Variants in BNIP2 observed in about 807,000 individuals in gnomAD.
The protein encoded by BNIP2 is BCL2 interacting protein 2, also known as BCL2/adenovirus E1B 19 kDa protein-interacting protein 2.
BNIP2 carries 36 observed loss-of-function variants against 43.4 expected under a neutral mutation model. That is an observed-to-expected ratio of 0.83 (90% CI 0.64 to 1.10). BNIP2 has a LOEUF of 1.10. Ranked by LOEUF, BNIP2 falls within the 50% of genes least tolerant of loss-of-function variation. The pLI, the probability that BNIP2 is intolerant of heterozygous loss-of-function variation, is 0.00. For synonymous variants in BNIP2, 146 were observed against 121.0 expected (o/e 1.21, Z -1.35); for missense variants, 417 against 374.1 (o/e 1.11, Z -0.95).
Position 59,662,077 on chromosome 15 carries a change from CA to C in BNIP2, c.*1991del, listed in dbSNP as rs1892307808. ...TATCTACAGTTAGGAGCAATGACTG[CA>C]AAATCAAAAATCAAAATAATGCAAA... is the stretch of plus-strand genomic sequence containing the variant. On this transcript the variant is annotated 3_prime_UTR_variant, in exon 10 of 10. Coordinates refer to ENST00000607373, the MANE Select transcript of BNIP2 (RefSeq NM_004330.4). The C allele has an allele frequency of 6.6e-6, 1 of 152,060 alleles. No individual in the cohort carries two copies. The highest frequency in any genetic ancestry group is 2.1e-4 in the South Asian group (1 of 4,828). The allele number at this position is 152,060 out of a possible 1,614,324, so 9.4% of individuals were successfully genotyped here.
intron 1 of BNIP2, among the ~76,000 whole-genome samples, chr15:59,683,403 G>A (rs1330968672): frequency 6.6e-6 from 1 of 152,196 alleles, no homozygotes; most frequent in Non-Finnish European, 1.5e-5. Context: ...CAAGTCAATA[G>A]ATGTCTAAAG....
chr15:59,671,257 T>TA lies in BNIP2; in HGVS notation c.632dup (p.Leu211PhefsTer24). ...TTTTTCTTCGAGTTGTTGCACCATT[T>TA]AAATAAACTATCATGTAGTTTTCTG... On this transcript the variant is annotated frameshift_variant, in exon 7 of 10. Transcript: ENST00000607373. LOFTEE classifies it high-confidence loss of function. 1 of 1,598,998 alleles carries TA rather than the reference T, an allele frequency of 6.3e-7. No individual in the cohort carries two copies.
Position 59,663,811 on chromosome 15 carries a change from G to T in BNIP2, c.*258C>A. 1 of 304,472 alleles carries T rather than the reference G, an allele frequency of 3.3e-6. No individual in the cohort carries two copies. The highest frequency in any genetic ancestry group is 6.0e-6 in the Non-Finnish European group (1 of 167,930). 18.9% of individuals were successfully genotyped at this position (304,472 alleles called of 1,614,324 possible). A position where few individuals can be genotyped will look rare whatever the true frequency, so the allele number is the denominator to read the frequency against. On this transcript the variant is annotated 3_prime_UTR_variant, in exon 10 of 10. Transcript: ENST00000607373. ...AAATGCAAAAACTACTTTATATAAAGTGTGGTTCTCTATTTAGCAATATAA... is the reference window on the plus strand; with the variant it reads ...AAATGCAAAAACTACTTTATATAAATTGTGGTTCTCTATTTAGCAATATAA...
chr15:59,674,589 T>C lies in BNIP2; in HGVS notation c.473-1850A>G, dbSNP rs551150424. Among the ~76,000 whole-genome samples, 65 of 152,298 alleles carry C rather than the reference T, an allele frequency of 4.3e-4. 2 individuals carry two copies. In the Middle Eastern group the frequency reaches 0.01, roughly 24 times the overall value. On this transcript the variant is annotated intron_variant, in intron 5 of 9. Coordinates refer to ENST00000607373, the MANE Select transcript of BNIP2 (RefSeq NM_004330.4). Reference sequence around the variant, plus strand: ...TTCATGTGATTTGCTTTCAGATGAATGAAGACTGTAGAAATAAGCAGGGGA... The same window carrying C: ...TTCATGTGATTTGCTTTCAGATGAACGAAGACTGTAGAAATAAGCAGGGGA...
At chr15:59,675,476 G>A (rs1190694637) in intron 5 of BNIP2, among the ~76,000 whole-genome samples, 1 of 151,910 alleles carries the variant, frequency 6.6e-6, no homozygotes, top group African/African-American at 2.4e-5. Flanking sequence ...TGGGCATGGT[G>A]GCGTGCACCT....
rs1466250010 is a variant in BNIP2, at chr15:59,662,598, G to C, written c.*1471C>G. The C allele has an allele frequency of 1.3e-5, 2 of 152,228 alleles. No homozygotes were observed. The highest frequency in any genetic ancestry group is 2.4e-5 in the African/African-American group (1 of 41,462). 9.4% of individuals were successfully genotyped at this position (152,228 alleles called of 1,614,324 possible). Reference sequence around the variant, plus strand: ...CCCTTTTGTAACAGAAGGTTTGTAAGTACATGAGAATGGTCACAGCCACAT... The same window carrying C: ...CCCTTTTGTAACAGAAGGTTTGTAACTACATGAGAATGGTCACAGCCACAT... On this transcript the variant is annotated 3_prime_UTR_variant, in exon 10 of 10. Transcript: ENST00000607373.
chr15:59,679,460 G>C, intron 4 of BNIP2, 132 bp downstream of exon 4: 2 of 1,079,824 alleles, frequency 1.9e-6, no homozygotes, highest in Non-Finnish European at 2.6e-6. Context: ...TTAAGTCCTT[G>C]AGAATATTCA....
At chr15:59,688,806 C>G in intron 1 of BNIP2, 1 of 1,535,398 alleles carries the variant, frequency 6.5e-7, no homozygotes, top group African/African-American at 1.4e-5. Flanking sequence ...AGCCCAGCCA[C>G]TTCACCCACA....
At chr15:59,677,630 T>A (rs964440503) in intron 5 of BNIP2, among the ~76,000 whole-genome samples, 1 of 152,200 alleles carries the variant, frequency 6.6e-6, no homozygotes, top group Non-Finnish European at 1.5e-5. Flanking sequence ...TGTTCAGGTT[T>A]ACTTTGTTGA....
intron 1 of BNIP2, among the ~76,000 whole-genome samples, chr15:59,683,118 C>T (rs1359575842): frequency 6.6e-6 from 1 of 152,198 alleles, no homozygotes; most frequent in African/African-American, 2.4e-5. Flanking sequence ...TCATATAGCT[C>T]GGCATATGTT....
chr15:59,667,682 A>C (rs1453952407), intron 9 of BNIP2, among the ~76,000 whole-genome samples: 5 of 152,264 alleles, frequency 3.3e-5, no homozygotes, highest in African/African-American at 1.2e-4. Flanking sequence ...CAAATATAAT[A>C]ATCAACCCCA....
At chr15:59,682,811 G>A (rs1262875186) in intron 1 of BNIP2, among the ~76,000 whole-genome samples, 1 of 151,824 alleles carries the variant, frequency 6.6e-6, no homozygotes, top group Non-Finnish European at 1.5e-5. Context: ...TTCATACTAT[G>A]GATTATATTA....
At chr15:59,665,233 C>G (rs973907137) in intron 9 of BNIP2, 8 of 151,638 alleles carry the variant, frequency 5.3e-5, no homozygotes, top group African/African-American at 1.9e-4. Flanking sequence ...CATTGCACTC[C>G]AGACTGGGTG....
At chr15:59,677,683 T>G in intron 5 of BNIP2, 1 of 1,186,268 alleles carries the variant, frequency 8.4e-7, no homozygotes, top group Non-Finnish European at 1.1e-6. Flanking sequence ...TCAGATGTCT[T>G]GAGAAAGCTA....
At chr15:59,689,067 T>G in intron 1 of BNIP2, 68 bp downstream of exon 1, 1 of 1,478,210 alleles carries the variant, frequency 6.8e-7, no homozygotes, top group Non-Finnish European at 8.9e-7. Context: ...CGACAGACTT[T>G]CGCCCCTAGG....
rs921189053 is a variant in BNIP2, at chr15:59,663,917, C to A, written c.*152G>T. 74 of 581,604 alleles carry A rather than the reference C, an allele frequency of 1.3e-4. No individual in the cohort carries two copies. The highest frequency in any genetic ancestry group is 9.2e-5 in the East Asian group (3 of 32,738). 36.0% of individuals were successfully genotyped at this position (581,604 alleles called of 1,614,324 possible). On this transcript the variant is annotated 3_prime_UTR_variant, in exon 10 of 10. Transcript: ENST00000607373. ...GCAAACCAGTACAGCAGTGAACAGT[C>A]CCTTGTATAATACAAAAGTCCATTA...
chr15:59,667,738 A>G (rs1210301888), intron 9 of BNIP2, among the ~76,000 whole-genome samples: 5 of 152,264 alleles, frequency 3.3e-5, no homozygotes, highest in Admixed American at 3.3e-4. Flanking sequence ...AAATATTTCA[A>G]AAGCACAAGT....
At chr15:59,677,544 G>A (rs1313953133) in intron 5 of BNIP2, among the ~76,000 whole-genome samples, 6 of 152,172 alleles carry the variant, frequency 3.9e-5, no homozygotes, top group Non-Finnish European at 8.8e-5. Flanking sequence ...TTTACCAAAG[G>A]AGGGGAGACC....
chr15:59,668,865 C>G, intron 9 of BNIP2, 27 bp downstream of exon 9: 1 of 1,556,470 alleles, frequency 6.4e-7, no homozygotes. Context: ...AGATCCAATA[C>G]AATTAAGGAA....
Sources: allele counts gnomAD v4.1 joint callset (sites outside exome capture counted in the v4.1 genomes callset), GRCh38; gene constraint gnomAD v4.1.1; transcripts MANE v1.5; gene names NCBI Gene and HGNC (gene_info 2026-07-23, HGNC 2026-07-21).